The following TLK1 variants were observed in gnomAD, a reference collection of about 807,000 sequenced individuals.
TLK1 encodes the protein tousled like kinase 1.
In TLK1, 24 loss-of-function variants were observed where a neutral mutation model predicts 105.3. The observed-to-expected ratio is 0.23, with a 90% CI of 0.17 to 0.32. The LOEUF (loss-of-function observed/expected upper bound fraction) is 0.32, where lower values mean the gene tolerates loss of function less well. Among genes scored for constraint, TLK1 ranks in the 10% least tolerant of loss-of-function variants. The pLI is 1.00. For missense variants in TLK1, 558 were observed against 910.5 expected, an observed-to-expected ratio of 0.61 and a Z score of 4.98; for synonymous variants, 321 against 310.4, an observed-to-expected ratio of 1.03 and a Z score of -0.36.
chr2:171,182,935 A>AAAAAAGAAAGAAAG, intron 1 of TLK1, among the ~76,000 whole-genome samples: 1 of 128,838 alleles, frequency 7.8e-6, no homozygotes, highest in East Asian at 2.2e-4. Context: ...AAAAAAAAAA[A>AAAAAAGAAAGAAAG]AAAGAAAGAA....
chr2:171,115,187 T>TTTTTTTTG (rs1238337096), intron 2 of TLK1, among the ~76,000 whole-genome samples: 1 of 150,356 alleles, frequency 6.7e-6, no homozygotes, highest in Non-Finnish European at 1.5e-5. Context: ...TTTTTTTTTT[T>TTTTTTTTG]TGAGACTGAG....
intron 13 of TLK1, among the ~76,000 whole-genome samples, chr2:171,011,969 ATAC>A (rs1322833534): frequency 6.6e-6 from 1 of 152,124 alleles, no homozygotes; most frequent in Non-Finnish European, 1.5e-5. Context: ...CTCATAGGTA[ATAC>A]TACTACTATT....
chr2:171,125,144 CAAAT>C (rs1029452219), intron 1 of TLK1, among the ~76,000 whole-genome samples: 21 of 152,298 alleles, frequency 1.4e-4, no homozygotes, highest in African/African-American at 3.6e-4. Context: ...GCTTGGCAAA[CAAAT>C]AAGCCACTTG....
chr2:171,116,287 T>G (rs909793089), intron 2 of TLK1, among the ~76,000 whole-genome samples: 2 of 152,140 alleles, frequency 1.3e-5, no homozygotes, highest in Non-Finnish European at 2.9e-5. Flanking sequence ...AATCAACATG[T>G]AGAATATACA....
At chr2:171,098,707 T>C (rs959134708) in intron 2 of TLK1, among the ~76,000 whole-genome samples, 1 of 152,174 alleles carries the variant, frequency 6.6e-6, no homozygotes, top group Non-Finnish European at 1.5e-5. Context: ...CAAATATGGA[T>C]GCAAAAATCC....
intron 12 of TLK1, among the ~76,000 whole-genome samples, chr2:171,027,932 G>A (rs766849128): frequency 4.6e-5 from 7 of 152,326 alleles, no homozygotes; most frequent in African/African-American, 1.7e-4. Flanking sequence ...GGAGGCCAAG[G>A]TGGGTGGATC....
chr2:171,206,276 A>G (rs142756928), intron 1 of TLK1, among the ~76,000 whole-genome samples: 2 of 152,256 alleles, frequency 1.3e-5, no homozygotes, highest in Non-Finnish European at 2.9e-5. Flanking sequence ...AATCAATAGC[A>G]TCTTACATTT....
rs572978036 is a variant in TLK1 at position 171,216,218 on chromosome 2, T to C, written c.-6+14927A>G. 6.6e-5 allele frequency among the ~76,000 whole-genome samples: 10 copies of C among 152,304 alleles called. No homozygotes were observed. In the South Asian group the frequency reaches 1.7e-3, roughly 25 times the overall value. On this transcript the variant is annotated intron_variant, in intron 1 of 20. Transcript: ENST00000521943. ...AGGGCCGGGTGCAGTGGCTCACGCC[T>C]GTAATCCCAGCACTTTGGGAGGCCG... is the stretch of plus-strand genomic sequence containing the variant.
At chr2:170,999,270 A>G (rs1684241297) in intron 18 of TLK1, among the ~76,000 whole-genome samples, 1 of 152,250 alleles carries the variant, frequency 6.6e-6, no homozygotes, top group Non-Finnish European at 1.5e-5. Flanking sequence ...TAAAATCATT[A>G]AGATTTCAGC....
intron 11 of TLK1, among the ~76,000 whole-genome samples, chr2:171,036,512 A>T (rs1025911854): frequency 6.6e-6 from 1 of 152,248 alleles, no homozygotes; most frequent in African/African-American, 2.4e-5. Flanking sequence ...AGCACAGAAG[A>T]TCATCATAAA....
At chr2:171,093,625 T>G (rs1689333150) in intron 2 of TLK1, among the ~76,000 whole-genome samples, 2 of 151,888 alleles carry the variant, frequency 1.3e-5, no homozygotes, top group South Asian at 4.2e-4. Flanking sequence ...TGTCAGGTAA[T>G]TTGAACTTCA....
chr2:171,194,386 G>GT (rs1270983085), intron 1 of TLK1, among the ~76,000 whole-genome samples: 1 of 152,156 alleles, frequency 6.6e-6, no homozygotes, highest in Non-Finnish European at 1.5e-5. Flanking sequence ...ATCCTGTGAT[G>GT]TTTTTTCCCA....
intron 3 of TLK1, among the ~76,000 whole-genome samples, chr2:171,074,300 A>G (rs1375943503): frequency 6.6e-6 from 1 of 151,828 alleles, no homozygotes; most frequent in Non-Finnish European, 1.5e-5. Flanking sequence ...ATACAGCAAC[A>G]TTGTTGCATA....
At chr2:171,016,553 A>G (rs1476271225) in intron 12 of TLK1, among the ~76,000 whole-genome samples, 1 of 152,234 alleles carries the variant, frequency 6.6e-6, no homozygotes, top group African/African-American at 2.4e-5. Context: ...TGAATAATGC[A>G]TTTAAATATT....
chr2:170,993,691 GAAA>G lies in TLK1; in HGVS notation c.*86_*88del. 5.2e-6 allele frequency: 3 copies of G among 577,048 alleles called. No homozygotes were observed. The highest frequency in any genetic ancestry group is 7.3e-6 in the Non-Finnish European group (3 of 411,104). The allele number at this position is 577,048 out of a possible 1,614,324, so 35.7% of individuals were successfully genotyped here. ...TGTAAAAAAAAAAAAAAAAAAAAAAGAAAAAGAAAACAAACACTCAAATGCTCT... is the reference window on the plus strand; with the variant it reads ...TGTAAAAAAAAAAAAAAAAAAAAAAGAAGAAAACAAACACTCAAATGCTCT... On this transcript the variant is annotated 3_prime_UTR_variant, in exon 21 of 21. Transcript: ENST00000431350.
intron 1 of TLK1, among the ~76,000 whole-genome samples, chr2:171,143,063 G>A (rs781669574): frequency 6.6e-6 from 1 of 152,148 alleles, no homozygotes; most frequent in Non-Finnish European, 1.5e-5. Context: ...GCGACAAATC[G>A]AGACTCCGTC....
intron 12 of TLK1, among the ~76,000 whole-genome samples, chr2:171,016,298 C>A (rs552319323): frequency 6.2e-4 from 95 of 152,220 alleles, no homozygotes; most frequent in Non-Finnish European, 1.2e-3. Flanking sequence ...TGCGCCACCA[C>A]ACCTGGCTAT....
At chr2:171,223,062 G>A (rs949064647) in intron 1 of TLK1, among the ~76,000 whole-genome samples, 14 of 152,032 alleles carry the variant, frequency 9.2e-5, no homozygotes, top group East Asian at 5.8e-4. Context: ...TGATCTGCAC[G>A]CCTCTGCCTC....
At chr2:171,082,657 C>A in intron 3 of TLK1, 124 bp downstream of exon 3, 1 of 770,106 alleles carries the variant, frequency 1.3e-6, no homozygotes, top group Non-Finnish European at 2.2e-6. Flanking sequence ...ACAAAACATT[C>A]CTATAAGAAA....
Sources: allele counts gnomAD v4.1 joint callset (sites outside exome capture counted in the v4.1 genomes callset), GRCh38; gene constraint gnomAD v4.1.1; transcripts MANE v1.5; gene names NCBI Gene and HGNC (gene_info 2026-07-23, HGNC 2026-07-21).